Variants in MYOM1 observed in about 807,000 individuals in gnomAD.
MYOM1 encodes the protein myomesin 1, also known as myomesin-1.
MYOM1 carries 164 observed loss-of-function variants against 205.3 expected under a neutral mutation model. The ratio of observed to expected loss-of-function variants is 0.80; its 90% CI spans 0.70 to 0.91. The LOEUF is 0.91. Ranked by LOEUF, MYOM1 falls within the 40% of genes least tolerant of loss-of-function variation. The pLI is 0.00. For missense variants in MYOM1, 2,011 were observed against 2,127.3 expected (o/e 0.95, Z 1.08); for synonymous variants, 772 against 789.4 (o/e 0.98, Z 0.37).
At chr18:3,173,573 CGTGTG>C (rs1216196531) in intron 8 of MYOM1, among the ~76,000 whole-genome samples, 1 of 136,914 alleles carries the variant, frequency 7.3e-6, no homozygotes, top group Non-Finnish European at 1.6e-5. Context: ...AGTCCAGACT[CGTGTG>C]TGTGTGTGTG....
chr18:3,109,333 G>A (rs1163348676), intron 22 of MYOM1, among the ~76,000 whole-genome samples: 1 of 152,098 alleles, frequency 6.6e-6, no homozygotes, highest in African/African-American at 2.4e-5. Flanking sequence ...TTCCAGAGCT[G>A]AGCTCCTATC....
chr18:3,112,655 G>A (rs925079053), intron 21 of MYOM1, among the ~76,000 whole-genome samples: 1 of 152,200 alleles, frequency 6.6e-6, no homozygotes, highest in Non-Finnish European at 1.5e-5. Flanking sequence ...TCACTTTGAT[G>A]TTTCTCCTTT....
chr18:3,227,806 A>G, the MYOM1 span, among the ~76,000 whole-genome samples: 1 of 151,812 alleles, frequency 6.6e-6, no homozygotes, highest in Non-Finnish European at 1.5e-5. Context: ...GCCGTACGAG[A>G]CTCCATCTCA....
chr18:3,191,379 C>T (rs768037875), intron 3 of MYOM1, among the ~76,000 whole-genome samples: 1 of 152,188 alleles, frequency 6.6e-6, no homozygotes, highest in Non-Finnish European at 1.5e-5. Context: ...CTTTACCTCC[C>T]AGGCATGCAG....
chr18:3,182,913 C>CTTT (rs549386891), intron 5 of MYOM1, among the ~76,000 whole-genome samples: 979 of 92,270 alleles, frequency 0.011, 3 homozygotes, highest in Non-Finnish European at 0.016. Context: ...TTTCTTTCTT[C>CTTT]TTTTTTTTTT....
At chr18:3,196,480 G>A (rs2144185579) in intron 2 of MYOM1, among the ~76,000 whole-genome samples, 1 of 152,294 alleles carries the variant, frequency 6.6e-6, no homozygotes. Context: ...GTATGGACTG[G>A]TGTCAGTCTT....
In MYOM1 at chr18:3,134,955, A is replaced by ATTT. The variant is rs368505930; in HGVS notation, c.2210-134_2210-132dup. On this transcript the variant is annotated intron_variant, in intron 15 of 37. Coordinates refer to ENST00000356443, the MANE Select transcript of MYOM1 (RefSeq NM_003803.4). ...AAAAGAACAGCTGCTTTATTTTACG[A>ATTT]TTTTTTTTTTTGAGACTGAGTCTCG... is the stretch of plus-strand genomic sequence containing the variant. 78,492 of 710,808 alleles carry ATTT rather than the reference A, an allele frequency of 0.11. 1,591 individuals are homozygous for ATTT. The highest frequency in any genetic ancestry group is 0.25 in the East Asian group (7,483 of 30,290). 44.0% of individuals were successfully genotyped at this position (710,808 alleles called of 1,614,324 possible).
At chr18:3,117,802 AT>A (rs749409714) in intron 20 of MYOM1, among the ~76,000 whole-genome samples, 1 of 152,136 alleles carries the variant, frequency 6.6e-6, no homozygotes, top group East Asian at 1.9e-4. Context: ...ATAGTTCAAT[AT>A]TTGTTTGGCC....
At chr18:3,183,488 T>C (rs907801248) in intron 5 of MYOM1, among the ~76,000 whole-genome samples, 4 of 152,148 alleles carry the variant, frequency 2.6e-5, no homozygotes, top group African/African-American at 4.8e-5. Context: ...AGTGAAGGTG[T>C]CCAGTGGAAA....
rs764045669 is a variant in MYOM1, at chr18:3,215,160, C to CCTTGTTGCGGTG, written c.63_64insCACCGCAACAAG (p.Asp21_Val22insHisArgAsnLys). On this transcript the variant is annotated inframe_insertion, in exon 2 of 38. Coordinates refer to ENST00000356443, the MANE Select transcript of MYOM1 (RefSeq NM_003803.4). The stretch of plus-strand genomic sequence containing the variant: ...TGGTAGTGACTCACGGTGCTGCGCA[C>CCTTGTTGCGGTG]GTCCTTGTTGCGGTAGCTGAGATCA... The CCTTGTTGCGGTG allele has an allele frequency of 8.1e-6, 13 of 1,613,500 alleles. No homozygotes were observed. In the East Asian group the frequency reaches 2.7e-4, roughly 33 times the overall value.
chr18:3,216,809 A>G (rs2081273646), intron 1 of MYOM1, among the ~76,000 whole-genome samples: 1 of 152,144 alleles, frequency 6.6e-6, no homozygotes, highest in South Asian at 2.1e-4. Context: ...GAGGGATGAG[A>G]GTGAAAGCCA....
intron 10 of MYOM1, 67 bp downstream of exon 10, chr18:3,164,211 A>AT: frequency 6.6e-7 from 1 of 1,517,794 alleles, no homozygotes; most frequent in South Asian, 1.2e-5. Context: ...CTGTTTTGTA[A>AT]TCAAAAACTG....
At chr18:3,118,580 T>C (rs1000351052) in intron 20 of MYOM1, among the ~76,000 whole-genome samples, 7 of 152,186 alleles carry the variant, frequency 4.6e-5, no homozygotes, top group African/African-American at 1.7e-4. Flanking sequence ...GCAATCCCCC[T>C]GCCTCAGCCT....
intron 34 of MYOM1, among the ~76,000 whole-genome samples, chr18:3,077,672 A>G (rs2143653356): frequency 1.3e-5 from 2 of 152,320 alleles, no homozygotes; most frequent in Middle Eastern, 6.8e-3. Context: ...AGAGTGGTGT[A>G]GTTAAATAAG....
chr18:3,083,757 TCTACA>T (rs753267137), intron 33 of MYOM1, 27 bp downstream of exon 33: 12 of 1,525,206 alleles, frequency 7.9e-6, no homozygotes, highest in Non-Finnish European at 1.1e-5. Flanking sequence ...GGAAAGAATT[TCTACA>T]CAGCAAGTAA....
At chr18:3,127,501 G>T (rs1439434405) in intron 18 of MYOM1, among the ~76,000 whole-genome samples, 1 of 151,424 alleles carries the variant, frequency 6.6e-6, no homozygotes. Flanking sequence ...GAGAGACAGG[G>T]TTTCACCATG....
chr18:3,154,912 A>G, intron 11 of MYOM1, 35 bp downstream of exon 11: 3 of 1,596,696 alleles, frequency 1.9e-6, no homozygotes, highest in Non-Finnish European at 1.7e-6. Context: ...CTCTATGACC[A>G]AATAACTGTA....
chr18:3,108,412 A>T (rs2079479151), intron 22 of MYOM1, among the ~76,000 whole-genome samples: 1 of 152,238 alleles, frequency 6.6e-6, no homozygotes. Context: ...TTATTTAAAT[A>T]AGGGTCCTGT....
At chr18:3,156,831 G>A (rs897250384) in intron 10 of MYOM1, among the ~76,000 whole-genome samples, 1 of 152,008 alleles carries the variant, frequency 6.6e-6, no homozygotes, top group Non-Finnish European at 1.5e-5. Flanking sequence ...GGATGGTCTC[G>A]AACTCCTGAC....
Sources: gnomAD v4.1 joint callset for allele counts (sites outside exome capture counted in the v4.1 genomes callset) on GRCh38, gnomAD v4.1.1 for gene constraint, MANE v1.5 for transcripts, NCBI Gene and HGNC (gene_info 2026-07-23, HGNC 2026-07-21) for gene names.